Variants in KLHL29 observed in about 807,000 individuals in gnomAD.
The protein encoded by KLHL29 is kelch like family member 29, also known as kelch-like protein 29.
KLHL29 carries 21 observed loss-of-function variants against 80.4 expected under a neutral mutation model. That is an observed-to-expected ratio of 0.26 (90% CI 0.19 to 0.38). The LOEUF is 0.38. KLHL29 is among the 10% of genes least tolerant of loss of function. KLHL29 has a pLI of 1.00. For missense variants in KLHL29, 867 were observed against 1,223.9 expected (o/e 0.71, Z 4.35); for synonymous variants, 511 against 526.8 (o/e 0.97, Z 0.41).
At chr2:23,698,566 A>ATAAT (rs1382310086) in intron 11 of KLHL29, among the ~76,000 whole-genome samples, 1 of 113,554 alleles carries the variant, frequency 8.8e-6, no homozygotes, top group Non-Finnish European at 1.9e-5. Flanking sequence ...ATGGTGCATT[A>ATAAT]TAATTATATT....
chr2:23,706,460 G>T (rs1160168023), intron 13 of KLHL29, 21 bp from the exon 14 acceptor site: 56 of 1,446,466 alleles, frequency 3.9e-5, no homozygotes, highest in Non-Finnish European at 5.1e-5. Flanking sequence ...GCCTAACTCT[G>T]TCCCCGCTTT....
intron 1 of KLHL29, among the ~76,000 whole-genome samples, chr2:23,450,264 C>T (rs113263209): frequency 7.2e-5 from 11 of 152,284 alleles, no homozygotes; most frequent in African/African-American, 2.4e-4. Context: ...TGCCGCTTAG[C>T]TGGGCAAGAC....
intron 3 of KLHL29, among the ~76,000 whole-genome samples, chr2:23,629,918 G>A (rs2149149025): frequency 6.6e-6 from 1 of 152,302 alleles, no homozygotes; most frequent in Non-Finnish European, 1.5e-5. Context: ...TCCGAGGAGA[G>A]GAGACACCAG....
intron 2 of KLHL29, among the ~76,000 whole-genome samples, chr2:23,513,218 G>C (rs1665826151): frequency 6.6e-6 from 1 of 152,218 alleles, no homozygotes; most frequent in South Asian, 2.1e-4. Flanking sequence ...AGAACTTGCT[G>C]ACTCCTATTT....
chr2:23,420,028 A>G (rs1662744526), intron 1 of KLHL29, among the ~76,000 whole-genome samples: 1 of 152,184 alleles, frequency 6.6e-6, no homozygotes, highest in African/African-American at 2.4e-5. Flanking sequence ...TGCCTGCAGA[A>G]TAACATGGTT....
At chr2:23,629,757 A>G (rs1196918161) in intron 3 of KLHL29, among the ~76,000 whole-genome samples, 1 of 152,248 alleles carries the variant, frequency 6.6e-6, no homozygotes, top group Non-Finnish European at 1.5e-5. Context: ...CTTCCAGGAT[A>G]CTATAGAAAG....
In KLHL29 at chr2:23,698,925, T is replaced by A. The variant is rs757504034; in HGVS notation, c.2105+2412T>A. Among the ~76,000 whole-genome samples, 118 of 152,224 alleles carry A rather than the reference T, an allele frequency of 7.8e-4. 3 individuals are homozygous for A. The highest frequency in any genetic ancestry group is 2.2e-4 in the Non-Finnish European group (15 of 68,032). On this transcript the variant is annotated intron_variant, in intron 11 of 13. Coordinates refer to ENST00000486442, the MANE Select transcript of KLHL29 (RefSeq NM_052920.2). ...AGACTGAGGACTAACAGCCACATAA[T>A]CTTCCACTGTCTCCCAGCTCCTTCT...
At chr2:23,448,675 A>C (rs1044382410) in intron 1 of KLHL29, among the ~76,000 whole-genome samples, 1 of 152,066 alleles carries the variant, frequency 6.6e-6, no homozygotes, top group African/African-American at 2.4e-5. Context: ...CCACTCAACC[A>C]CCTTCTGGGG....
In KLHL29 at chr2:23,472,267, G is replaced by A. The variant is rs141581638; in HGVS notation, c.-153-3293G>A. Among the ~76,000 whole-genome samples, 77 of 152,268 alleles carry A rather than the reference G, an allele frequency of 5.1e-4. 1 individual carries two copies. The Middle Eastern group carries it at 0.014, about 27-fold the overall frequency. ...AAGGAAAGAGTTTCTGGTTGGGGTC[G>A]GCAAAGATGTCGGGAAGCAGGTGTG... On this transcript the variant is annotated intron_variant, in intron 1 of 13. Transcript: ENST00000486442.
chr2:23,489,532 G>A (rs72778303), intron 2 of KLHL29, among the ~76,000 whole-genome samples: 5 of 152,184 alleles, frequency 3.3e-5, no homozygotes, highest in South Asian at 4.1e-4. Context: ...AAGTCCTTGC[G>A]TACCTCCTGC....
At chr2:23,398,301 C>T (rs564491702) in intron 1 of KLHL29, among the ~76,000 whole-genome samples, 9 of 152,348 alleles carry the variant, frequency 5.9e-5, no homozygotes, top group Non-Finnish European at 1.2e-4. Context: ...GAACTTTTGA[C>T]ACACGCTATA....
intron 2 of KLHL29, among the ~76,000 whole-genome samples, chr2:23,517,428 G>A (rs1302797530): frequency 2.6e-5 from 4 of 152,078 alleles, no homozygotes; most frequent in East Asian, 1.9e-4. Context: ...CTGTAGTCCC[G>A]GTTACTCAGG....
chr2:23,693,172 T>A (rs1021139619), intron 7 of KLHL29, 97 bp from the exon 8 acceptor site: 3 of 1,373,590 alleles, frequency 2.2e-6, no homozygotes, highest in Non-Finnish European at 2.9e-6. Flanking sequence ...TCCCCCGGGA[T>A]GTGGGTTCAG....
intron 3 of KLHL29, among the ~76,000 whole-genome samples, chr2:23,624,553 G>A (rs1267765670): frequency 1.3e-5 from 2 of 152,098 alleles, no homozygotes; most frequent in African/African-American, 2.4e-5. Context: ...CAGACCACCC[G>A]CCACCAGAGG....
intron 1 of KLHL29, among the ~76,000 whole-genome samples, chr2:23,404,453 A>G (rs1666676435): frequency 6.6e-6 from 1 of 152,198 alleles, no homozygotes. Context: ...CAAAGCATTG[A>G]TGTTTGAGAT....
At position 23,696,227 on chromosome 2, in the gene KLHL29, T is replaced by C. The variant is rs1200910862; in HGVS notation, c.1924+94T>C. The C allele has an allele frequency of 1.3e-6, 2 of 1,487,516 alleles. No homozygotes were observed. Among genetic ancestry groups the C allele is most frequent in the African/African-American group, 2.8e-5 (2 of 71,580 alleles). The allele number at this position is 1,487,516 out of a possible 1,614,324, so 92.1% of individuals were successfully genotyped here. A position where few individuals can be genotyped will look rare whatever the true frequency, so the allele number is the denominator to read the frequency against. On this transcript the variant is annotated intron_variant, in intron 10 of 13. Transcript: ENST00000486442. The surrounding 1 kb of genome is among the most constrained non-coding windows in gnomAD (Gnocchi z 5.5). ...GCTGAGGAAGGCCATGGCCCAGAAG[T>C]GTCTACTTTGCAGGTGAAGCCTTCC...
At chr2:23,404,719 G>C (rs545984695) in intron 1 of KLHL29, among the ~76,000 whole-genome samples, 22 of 152,254 alleles carry the variant, frequency 1.4e-4, no homozygotes, top group Admixed American at 6.5e-5. Context: ...ACGTCCTGCC[G>C]AGCCTGTAAG....
intron 1 of KLHL29, among the ~76,000 whole-genome samples, chr2:23,462,759 A>AT (rs1664250417): frequency 6.6e-6 from 1 of 152,154 alleles, no homozygotes; most frequent in African/African-American, 2.4e-5. Flanking sequence ...AATATATTAA[A>AT]TTTTTTTGAA....
In KLHL29 at chr2:23,586,362, CTT is replaced by C. The variant is rs778067234; in HGVS notation, c.285+23903_285+23904del. On this transcript the variant is annotated intron_variant, in intron 3 of 13. Transcript: ENST00000486442. ...CCATTCCTTCTACCTAAAAGCATTA[CTT>C]TTTTTTTTTTTTTTTTTTTTTGAGA... Among the ~76,000 whole-genome samples the C allele has an allele frequency of 9.4e-4, 91 of 96,972 alleles. 1 individual carries two copies. Among genetic ancestry groups the C allele is most frequent in the African/African-American group, 3.4e-3 (77 of 22,518 alleles). The allele number at this position is 96,972 out of a possible 152,430, so 63.6% of individuals were successfully genotyped here.
Sources: allele counts gnomAD v4.1 joint callset (sites outside exome capture counted in the v4.1 genomes callset), GRCh38; gene constraint gnomAD v4.1.1; non-coding constraint Gnocchi (gnomAD v3.1); transcripts MANE v1.5; gene names NCBI Gene and HGNC (gene_info 2026-07-23, HGNC 2026-07-21).